The following CCDC7 variants were observed in gnomAD, a reference collection of about 807,000 sequenced individuals.
CCDC7 encodes coiled-coil domain containing 7.
Under a neutral mutation model 196.9 loss-of-function variants are expected in CCDC7, and 183 were observed. That is an observed-to-expected ratio of 0.93 (90% CI 0.82 to 1.05). The LOEUF is 1.05. Ranked by LOEUF, CCDC7 falls within the 50% of genes least tolerant of loss-of-function variation. The pLI, the probability that CCDC7 is intolerant of heterozygous loss-of-function variation, is 0.00. For missense variants in CCDC7, 1,540 were observed against 1,482.2 expected, an observed-to-expected ratio of 1.04 and a Z score of -0.64; for synonymous variants, 525 against 484.6, an observed-to-expected ratio of 1.08 and a Z score of -1.10.
chr10:32,579,345 C>T (rs1281662836), intron 16 of CCDC7, among the ~76,000 whole-genome samples: 1 of 151,860 alleles, frequency 6.6e-6, no homozygotes, highest in Non-Finnish European at 1.5e-5. Context: ...ATGGAATGAT[C>T]TTGCCAGTTC....
chr10:32,653,306 C>G (rs1238277544), intron 20 of CCDC7, among the ~76,000 whole-genome samples: 1 of 152,080 alleles, frequency 6.6e-6, no homozygotes, highest in South Asian at 2.1e-4. Context: ...TCAAGGACCA[C>G]AGAGTTCTAA....
chr10:32,683,022 G>A (rs1159516050), intron 21 of CCDC7, among the ~76,000 whole-genome samples: 1 of 152,046 alleles, frequency 6.6e-6, no homozygotes, highest in East Asian at 1.9e-4. Flanking sequence ...GTTAATTTTT[G>A]TTTTTATTGC....
At chr10:32,702,797 A>G (rs1274672796) in intron 24 of CCDC7, among the ~76,000 whole-genome samples, 4 of 151,950 alleles carry the variant, frequency 2.6e-5, no homozygotes, top group Non-Finnish European at 5.9e-5. Context: ...TTTGATCTTC[A>G]TTGGTTTAAA....
intron 21 of CCDC7, among the ~76,000 whole-genome samples, chr10:32,668,577 T>G (rs997766288): frequency 3.3e-5 from 5 of 152,216 alleles, no homozygotes; most frequent in African/African-American, 9.7e-5. Context: ...TTTTTTAGCA[T>G]GAAGGGCTGT....
intron 29 of CCDC7, among the ~76,000 whole-genome samples, chr10:32,800,190 A>G (rs367698097): frequency 1.3e-5 from 2 of 152,054 alleles, no homozygotes; most frequent in South Asian, 4.1e-4. Context: ...GGGAATCACC[A>G]CCCCTGCATC....
chr10:32,660,308 A>C (rs1437011442), intron 20 of CCDC7, among the ~76,000 whole-genome samples: 2 of 131,126 alleles, frequency 1.5e-5, no homozygotes, highest in Admixed American at 1.6e-4. Context: ...CCAGAGTGTG[A>C]TGTTCCCCTT....
intron 32 of CCDC7, among the ~76,000 whole-genome samples, chr10:32,833,298 AT>A (rs2092356381): frequency 6.6e-6 from 1 of 151,984 alleles, no homozygotes; most frequent in African/African-American, 2.4e-5. Context: ...TATATTAAAA[AT>A]ATTTGAATTA....
At position 32,876,364 on chromosome 10, in the gene CCDC7, C is replaced by T. The variant is rs760860139; in HGVS notation, c.4129C>T (p.Arg1377Ter). The T allele has an allele frequency of 3.7e-6, 6 of 1,610,286 alleles. No homozygotes were observed. The highest frequency in any genetic ancestry group is 1.7e-4 in the Middle Eastern group (1 of 6,036). The stretch of plus-strand genomic sequence containing the variant: ...CTTTAAAGTGTTACATGCTGCTGCC[C>T]GAAAATCTGTACCACACCCATACTT... The change falls in exon 42 of 42, where the codon CGA becomes TGA. Residue 1377 changes from arginine to a stop codon, truncating the protein, a stop_gained. Transcript: ENST00000639629. LOFTEE classifies it low-confidence loss of function (END_TRUNC).
intron 9 of CCDC7, chr10:32,511,268 GGCGGGGA>G: frequency 3.8e-6 from 2 of 529,778 alleles, no homozygotes; most frequent in South Asian, 2.5e-5. Flanking sequence ...GGGCGGGGGG[GGCGGGGA>G]AATGTACTTT....
intron 18 of CCDC7, among the ~76,000 whole-genome samples, chr10:32,613,610 G>T (rs1327121010): frequency 6.6e-6 from 1 of 152,112 alleles, no homozygotes; most frequent in Non-Finnish European, 1.5e-5. Flanking sequence ...CTGGTATGCT[G>T]TGCCTTTCTT....
intron 18 of CCDC7, among the ~76,000 whole-genome samples, chr10:32,592,723 C>T (rs11008987): frequency 0.11 from 17,170 of 152,066 alleles, 1,166 homozygotes; most frequent in South Asian, 0.27. Flanking sequence ...CGACAAGCCC[C>T]AGTGTGTGAT....
rs898867168 is a variant in CCDC7 at position 32,675,131 on chromosome 10, A to C, written c.2123-10839A>C. Among the ~76,000 whole-genome samples the C allele has an allele frequency of 3.4e-4, 51 of 152,102 alleles. 1 individual carries two copies. Among genetic ancestry groups the C allele is most frequent in the African/African-American group, 1.2e-3 (50 of 41,550 alleles). ...TTGCTAGGTGAAGACTTACTATTGC[A>C]ATTATATTGTTTTCTCTCTGTTTTA... is the stretch of plus-strand genomic sequence containing the variant. On this transcript the variant is annotated intron_variant, in intron 21 of 41. Transcript: ENST00000639629.
chr10:32,567,764 G>A lies in CCDC7; in HGVS notation c.1292G>A (p.Gly431Asp), dbSNP rs150529491. Residue 431 changes from glycine to aspartate, a missense_variant, in exon 15 of 42, where the codon GGT (glycine) becomes GAT (aspartate). Gly to Asp is a moderately conservative substitution (Grantham distance 94). Coordinates refer to ENST00000639629, the Ensembl canonical transcript of CCDC7. ...AAAACTGAGACAACAATGCAAGTGGGTAATAGTCAAACAAAAGTTAAAGGT... is the reference window on the plus strand; with the variant it reads ...AAAACTGAGACAACAATGCAAGTGGATAATAGTCAAACAAAAGTTAAAGGT... 1.5e-5 allele frequency: 25 copies of A among 1,613,354 alleles called. No individual in the cohort carries two copies. The East Asian group carries it at 3.1e-4, about 20-fold the overall frequency.
intron 24 of CCDC7, among the ~76,000 whole-genome samples, chr10:32,707,460 G>T (rs1473525572): frequency 6.6e-6 from 1 of 152,210 alleles, no homozygotes; most frequent in Non-Finnish European, 1.5e-5. Flanking sequence ...AGTATTGGAA[G>T]TTCTGGCCCG....
chr10:32,554,867 A>G (rs773075689), intron 13 of CCDC7, among the ~76,000 whole-genome samples: 4 of 152,014 alleles, frequency 2.6e-5, no homozygotes, highest in Non-Finnish European at 5.9e-5. Context: ...CCCTACTACT[A>G]TTTGCAGCCT....
intron 24 of CCDC7, among the ~76,000 whole-genome samples, chr10:32,699,762 G>A (rs2078342260): frequency 6.7e-6 from 1 of 149,378 alleles, no homozygotes; most frequent in South Asian, 2.1e-4. Flanking sequence ...GGTGTGAGAT[G>A]GTATCTCATT....
chr10:32,711,758 TATTATTTTAA>T, intron 25 of CCDC7, 28 bp downstream of exon 26: 2 of 1,326,132 alleles, frequency 1.5e-6, no homozygotes, highest in Non-Finnish European at 2.1e-6. Context: ...AGCTATTTTA[TATTATTTTAA>T]GTAAATCTCA....
At chr10:32,670,009 C>G (rs1481876778) in intron 21 of CCDC7, among the ~76,000 whole-genome samples, 1 of 152,060 alleles carries the variant, frequency 6.6e-6, no homozygotes, top group Non-Finnish European at 1.5e-5. Context: ...GATCAAATGT[C>G]TATTACATCC....
chr10:32,468,940 A>G (rs927510710), intron 5 of CCDC7, among the ~76,000 whole-genome samples: 4 of 152,236 alleles, frequency 2.6e-5, no homozygotes, highest in Non-Finnish European at 5.9e-5. Flanking sequence ...AAACTATTAG[A>G]GAATATGGTG....
Sources: gnomAD v4.1 joint callset for allele counts (sites outside exome capture counted in the v4.1 genomes callset) on GRCh38, gnomAD v4.1.1 for gene constraint, MANE v1.5 for transcripts, NCBI Gene and HGNC (gene_info 2026-07-23, HGNC 2026-07-21) for gene names.